TRHDE: variants seen among roughly 807,000 people sequenced by gnomAD.
The protein encoded by TRHDE is thyrotropin-releasing hormone-degrading ectoenzyme.
In TRHDE, 72 loss-of-function variants were observed where a neutral mutation model predicts 125.7. The observed-to-expected ratio is 0.57, with a 90% CI of 0.47 to 0.70. The LOEUF is 0.70. TRHDE is among the 30% of genes least tolerant of loss of function. The probability of loss-of-function intolerance (pLI) is 0.00; values close to 1 mark genes in which losing one functional copy is unlikely to be tolerated. For missense variants in TRHDE, 1,110 were observed against 1,327.1 expected, an observed-to-expected ratio of 0.84 and a Z score of 2.54; for synonymous variants, 509 against 509.1, an observed-to-expected ratio of 1.00 and a Z score of 0.00.
intron 3 of TRHDE, among the ~76,000 whole-genome samples, chr12:72,379,421 A>G (rs1026263792): frequency 6.6e-5 from 10 of 152,106 alleles, no homozygotes; most frequent in African/African-American, 2.4e-4. Context: ...AGAATCTGTT[A>G]TACTTAAATC....
intron 3 of TRHDE, among the ~76,000 whole-genome samples, chr12:72,400,844 A>G (rs1267568191): frequency 1.8e-4 from 27 of 152,124 alleles, no homozygotes; most frequent in Non-Finnish European, 8.8e-5. Flanking sequence ...AGAGCACTTT[A>G]CTTATTTGCT....
At chr12:72,532,462 T>C (rs1187452148) in intron 6 of TRHDE, among the ~76,000 whole-genome samples, 1 of 151,226 alleles carries the variant, frequency 6.6e-6, no homozygotes, top group Non-Finnish European at 1.5e-5. Context: ...ATAGAAATAT[T>C]AGTAGAGTGA....
intron 3 of TRHDE, among the ~76,000 whole-genome samples, chr12:72,384,605 A>G (rs541251865): frequency 4.6e-5 from 7 of 152,242 alleles, no homozygotes; most frequent in South Asian, 2.1e-4. Context: ...AGAAGAGGCC[A>G]TTTTGAGAAT....
chr12:72,372,303 T>G (rs979472661), intron 2 of TRHDE, among the ~76,000 whole-genome samples: 5 of 152,268 alleles, frequency 3.3e-5, no homozygotes, highest in African/African-American at 1.2e-4. Flanking sequence ...CTTTGTCAGA[T>G]GAGTAGGTTG....
In TRHDE at chr12:72,322,972, A is replaced by C. The variant is rs566902805; in HGVS notation, c.1188+36018A>C. Reference sequence around the variant, plus strand: ...GAGAAGCCATTTAGCCATTTTCACTATCTTGGACTCTTTTTTCTTATCTCT... The same window carrying C: ...GAGAAGCCATTTAGCCATTTTCACTCTCTTGGACTCTTTTTTCTTATCTCT... On this transcript the variant is annotated intron_variant, in intron 2 of 18. Transcript: ENST00000261180. Among the ~76,000 whole-genome samples the C allele has an allele frequency of 1.2e-4, 18 of 152,166 alleles. No homozygotes were observed. In the South Asian group the frequency reaches 3.7e-3, roughly 32 times the overall value.
chr12:72,638,168 C>G (rs1265426749), intron 15 of TRHDE, among the ~76,000 whole-genome samples: 4 of 147,298 alleles, frequency 2.7e-5, no homozygotes, highest in African/African-American at 1.0e-4. Flanking sequence ...TCAGGACTTG[C>G]TTTATGAATC....
At chr12:72,195,093 C>T (rs573318532) in intron 2 of TRHDE, among the ~76,000 whole-genome samples, 84 of 152,112 alleles carry the variant, frequency 5.5e-4, no homozygotes, top group Middle Eastern at 3.4e-3. Context: ...GCCAAGCAAA[C>T]GGGGAAAAGC....
At chr12:72,454,000 TCA>T (rs1875713934) in intron 3 of TRHDE, among the ~76,000 whole-genome samples, 2 of 152,222 alleles carry the variant, frequency 1.3e-5, no homozygotes, top group Middle Eastern at 3.2e-3. Flanking sequence ...CTTTTCATTT[TCA>T]GTTTTGCACT....
chr12:72,281,575 G>T (rs1467757531), intron 1 of TRHDE, among the ~76,000 whole-genome samples: 2 of 152,058 alleles, frequency 1.3e-5, no homozygotes, highest in Non-Finnish European at 2.9e-5. Context: ...GCAGAGATGT[G>T]GCCAAAAAGA....
intron 2 of TRHDE, among the ~76,000 whole-genome samples, chr12:72,249,507 T>C (rs1462473622): frequency 1.3e-5 from 2 of 152,084 alleles, no homozygotes; most frequent in African/African-American, 4.8e-5. Context: ...GGAAATATAG[T>C]GAGAACTCTC....
At chr12:72,564,587 A>C (rs907966549) in intron 9 of TRHDE, among the ~76,000 whole-genome samples, 2 of 151,264 alleles carry the variant, frequency 1.3e-5, no homozygotes, top group Non-Finnish European at 2.9e-5. Context: ...AAGGCTGTAT[A>C]AGCATATGTA....
chr12:72,291,196 T>G (rs754665774), intron 2 of TRHDE, among the ~76,000 whole-genome samples: 3 of 152,226 alleles, frequency 2.0e-5, no homozygotes, highest in African/African-American at 4.8e-5. Context: ...TCTCTCACTC[T>G]GAAGACCTGT....
chr12:72,499,182 T>C (rs768819646), intron 5 of TRHDE, among the ~76,000 whole-genome samples: 1 of 152,200 alleles, frequency 6.6e-6, no homozygotes, highest in Non-Finnish European at 1.5e-5. Flanking sequence ...TAAGTCTGCA[T>C]CTTCTCATTG....
chr12:72,287,774 A>G (rs922626280), intron 2 of TRHDE, among the ~76,000 whole-genome samples: 3 of 152,106 alleles, frequency 2.0e-5, no homozygotes, highest in Non-Finnish European at 4.4e-5. Flanking sequence ...TTTGATGGCT[A>G]TCATTTGTGA....
intron 2 of TRHDE, among the ~76,000 whole-genome samples, chr12:72,179,648 A>G (rs1486066506): frequency 1.3e-5 from 2 of 152,086 alleles, no homozygotes; most frequent in Admixed American, 1.3e-4. Flanking sequence ...TGAACTCTAC[A>G]GTCATAACTC....
At chr12:72,586,875 T>C (rs1280203999) in intron 12 of TRHDE, among the ~76,000 whole-genome samples, 1 of 151,940 alleles carries the variant, frequency 6.6e-6, no homozygotes, top group Non-Finnish European at 1.5e-5. Flanking sequence ...CAAGTAAGGC[T>C]AATAGGCCCT....
chr12:72,664,152 G>C lies in TRHDE; in HGVS notation c.*957G>C, dbSNP rs1459911399. The C allele has an allele frequency of 6.6e-6, 1 of 152,266 alleles. No homozygotes were observed. The highest frequency in any genetic ancestry group is 1.5e-5 in the Non-Finnish European group (1 of 67,998). 9.4% of individuals were successfully genotyped at this position (152,266 alleles called of 1,614,324 possible). A position where few individuals can be genotyped will look rare whatever the true frequency, so the allele number is the denominator to read the frequency against. On this transcript the variant is annotated 3_prime_UTR_variant, in exon 19 of 19. Transcript: ENST00000261180. Reference sequence around the variant, plus strand: ...TATAAACTACTATTCCAGTTCTCCTGTGTCAGTCTTGCCTATAGATTTTGC... The same window carrying C: ...TATAAACTACTATTCCAGTTCTCCTCTGTCAGTCTTGCCTATAGATTTTGC...
chr12:72,487,462 G>A, intron 5 of TRHDE, among the ~76,000 whole-genome samples: 1 of 152,016 alleles, frequency 6.6e-6, no homozygotes. Context: ...TATCTTACAG[G>A]CCAGGAAAGA....
intron 1 of TRHDE, among the ~76,000 whole-genome samples, chr12:72,286,103 G>A (rs1879876079): frequency 6.6e-6 from 1 of 152,142 alleles, no homozygotes; most frequent in African/African-American, 2.4e-5. Context: ...TACATCTTAG[G>A]AAAGTTTAAT....
Sources: allele counts gnomAD v4.1 joint callset (sites outside exome capture counted in the v4.1 genomes callset), GRCh38; gene constraint gnomAD v4.1.1; transcripts MANE v1.5; gene names NCBI Gene and HGNC (gene_info 2026-07-23, HGNC 2026-07-21).